The following DAB1 variants were observed in gnomAD, a reference collection of about 807,000 sequenced individuals.
The protein encoded by DAB1 is disabled homolog 1.
Under a neutral mutation model 64.6 loss-of-function variants are expected in DAB1, and 15 were observed. That is an observed-to-expected ratio of 0.23 (90% CI 0.16 to 0.36). The LOEUF is 0.36. Ranked by LOEUF, DAB1 falls within the 10% of genes least tolerant of loss-of-function variation. DAB1 has a pLI of 1.00. For missense variants in DAB1, 596 were observed against 706.7 expected, an observed-to-expected ratio of 0.84 and a Z score of 1.78; for synonymous variants, 235 against 251.9, an observed-to-expected ratio of 0.93 and a Z score of 0.64.
At chr1:58,062,467 G>A (rs1570298966) in intron 5 of DAB1, among the ~76,000 whole-genome samples, 1 of 152,198 alleles carries the variant, frequency 6.6e-6, no homozygotes, top group South Asian at 2.1e-4. Flanking sequence ...GAAGGCCCTG[G>A]CCACCTGCCT....
At chr1:58,163,902 C>A (rs928908896) in intron 4 of DAB1, among the ~76,000 whole-genome samples, 1 of 152,144 alleles carries the variant, frequency 6.6e-6, no homozygotes, top group Non-Finnish European at 1.5e-5. Context: ...AGTGTAAATT[C>A]AAAGCCAGAA....
At chr1:57,957,095 G>C (rs772586150) in intron 5 of DAB1, among the ~76,000 whole-genome samples, 6 of 152,190 alleles carry the variant, frequency 3.9e-5, no homozygotes, top group Admixed American at 6.5e-5. Flanking sequence ...GAAAGGAGGA[G>C]CATGTGATTT....
At chr1:57,547,417 C>T (rs886496153) in intron 7 of DAB1, among the ~76,000 whole-genome samples, 19 of 152,190 alleles carry the variant, frequency 1.2e-4, no homozygotes, top group Non-Finnish European at 1.8e-4. Flanking sequence ...TAAAGGAAAT[C>T]CTTTTAAAAC....
intron 7 of DAB1, among the ~76,000 whole-genome samples, chr1:57,487,170 G>A (rs1268811301): frequency 6.6e-6 from 1 of 152,128 alleles, no homozygotes; most frequent in Non-Finnish European, 1.5e-5. Flanking sequence ...CCAGACTTTG[G>A]AGGTGGAAAG....
At chr1:57,866,250 C>G (rs1197374684) in intron 1 of DAB1, 1 of 152,210 alleles carries the variant, frequency 6.6e-6, no homozygotes, top group Admixed American at 6.6e-5. Flanking sequence ...TACTTTTGCA[C>G]CAACCTAATA....
intron 6 of DAB1, among the ~76,000 whole-genome samples, chr1:57,795,690 G>GATATATAT (rs3081038): frequency 0.021 from 1,453 of 68,906 alleles, 72 homozygotes; most frequent in African/African-American, 0.03. Context: ...TATGCTTGGA[G>GATATATAT]ATATATATAT....
chr1:57,323,654 T>C (rs1338505800), intron 1 of DAB1, among the ~76,000 whole-genome samples: 1 of 152,160 alleles, frequency 6.6e-6, no homozygotes, highest in African/African-American at 2.4e-5. Flanking sequence ...CCTTGGTATC[T>C]AGCAGGGTGT....
At chr1:57,667,128 T>C (rs1309093577) in intron 6 of DAB1, among the ~76,000 whole-genome samples, 4 of 152,172 alleles carry the variant, frequency 2.6e-5, no homozygotes, top group African/African-American at 4.8e-5. Context: ...GGGTATTCCA[T>C]CTAATCACAA....
chr1:57,498,354 C>T (rs986272897), intron 7 of DAB1, among the ~76,000 whole-genome samples: 2 of 152,084 alleles, frequency 1.3e-5, no homozygotes, highest in African/African-American at 4.8e-5. Context: ...TGAGAAGGTG[C>T]CCATGGTGGA....
intron 3 of DAB1, among the ~76,000 whole-genome samples, chr1:58,467,386 G>A (rs186059384): frequency 2.5e-3 from 374 of 152,234 alleles, no homozygotes; most frequent in Non-Finnish European, 4.5e-3. Context: ...AGGCTTTGCC[G>A]TCTGCACTAC....
chr1:57,111,419 A>G (rs190610833), intron 4 of DAB1, among the ~76,000 whole-genome samples: 1 of 152,290 alleles, frequency 6.6e-6, no homozygotes, highest in East Asian at 1.9e-4. Flanking sequence ...TTGTTACAAC[A>G]TCAGGGCTGG....
intron 3 of DAB1, among the ~76,000 whole-genome samples, chr1:58,367,259 G>GT (rs1378868077): frequency 6.6e-6 from 1 of 152,180 alleles, no homozygotes; most frequent in Non-Finnish European, 1.5e-5. Flanking sequence ...AACTGAAAAT[G>GT]TATTTCTTTT....
chr1:57,846,602 T>C (rs780220930), intron 1 of DAB1, among the ~76,000 whole-genome samples: 4 of 152,224 alleles, frequency 2.6e-5, no homozygotes, highest in Non-Finnish European at 5.9e-5. Flanking sequence ...CATTATTTTA[T>C]TCAGTCCTTA....
intron 3 of DAB1, among the ~76,000 whole-genome samples, chr1:58,356,280 T>C (rs995571607): frequency 2.6e-5 from 4 of 152,174 alleles, no homozygotes; most frequent in Admixed American, 6.5e-5. Context: ...GACCTGTATA[T>C]TATCTAAAAT....
intron 2 of DAB1, among the ~76,000 whole-genome samples, chr1:57,286,099 G>A (rs2100647341): frequency 6.6e-6 from 1 of 152,228 alleles, no homozygotes; most frequent in South Asian, 2.1e-4. Flanking sequence ...CATTTGAATT[G>A]TGAATACTCT....
At chr1:58,533,716 G>A (rs1445009411) in intron 1 of DAB1, among the ~76,000 whole-genome samples, 2 of 152,044 alleles carry the variant, frequency 1.3e-5, no homozygotes, top group East Asian at 3.8e-4. Context: ...TAGCAAAAGA[G>A]ACAGGTGATA....
rs116481275 is a variant in DAB1 at position 58,300,748 on chromosome 1, T to G, written n.309+42604A>C. ...CTGGCAAGGAGAGAAAGCAAGGAAG[T>G]AGGGCTTCCTTGGGGTCACTGAGAT... On this transcript the variant is annotated intron_variant and non_coding_transcript_variant, in intron 4 of 20. Transcript: ENST00000485760. Among the ~76,000 whole-genome samples the G allele has an allele frequency of 1.7e-3, 247 of 148,576 alleles. 1 individual carries two copies. The highest frequency in any genetic ancestry group is 0.011 in the Middle Eastern group (3 of 280).
intron 1 of DAB1, among the ~76,000 whole-genome samples, chr1:57,831,336 G>A (rs540884014): frequency 4.6e-5 from 7 of 151,988 alleles, no homozygotes; most frequent in Non-Finnish European, 4.4e-5. Flanking sequence ...TCCCTTACTC[G>A]TCTAGCTGTA....
At chr1:57,781,112 CTCTCTCTCTCTCTCTATATATATA>C (rs1329544691) in intron 6 of DAB1, among the ~76,000 whole-genome samples, 6 of 62,648 alleles carry the variant, frequency 9.6e-5, no homozygotes, top group East Asian at 4.1e-4. Context: ...CTCTCTCTCT[CTCTCTCTCTCTCTCTATATATATA>C]TATATATATA....
Sources: allele counts gnomAD v4.1 joint callset (sites outside exome capture counted in the v4.1 genomes callset), GRCh38; gene constraint gnomAD v4.1.1; transcripts MANE v1.5; gene names NCBI Gene and HGNC (gene_info 2026-07-23, HGNC 2026-07-21).